Variants in MAOB observed in about 807,000 individuals in gnomAD.
The protein encoded by MAOB is amine oxidase [flavin-containing] B.
In MAOB, 15 loss-of-function variants were observed where a neutral mutation model predicts 41.9. That is an observed-to-expected ratio of 0.36 (90% CI 0.24 to 0.55). The LOEUF is 0.55. MAOB is among the 20% of genes least tolerant of loss of function. The pLI is 0.86. For missense variants in MAOB, 345 were observed against 398.7 expected (o/e 0.87, Z 1.15); for synonymous variants, 167 against 144.2 (o/e 1.16, Z -1.13).
At chrX:43,776,447 C>T (rs2034257271) in intron 11 of MAOB, among the ~76,000 whole-genome samples, 1 of 112,106 alleles carries the variant, frequency 8.9e-6, no homozygotes, top group Non-Finnish European at 1.9e-5. Flanking sequence ...AACCATCTCA[C>T]GAGTTGTTGC....
At chrX:43,790,841 A>G (rs2034454805) in intron 8 of MAOB, among the ~76,000 whole-genome samples, 1 of 111,824 alleles carries the variant, frequency 8.9e-6, no homozygotes. Flanking sequence ...TCTTTCTGAT[A>G]CTAGTGCCTA....
intron 8 of MAOB, among the ~76,000 whole-genome samples, chrX:43,784,521 T>C (rs1403155734): frequency 1.8e-5 from 2 of 112,355 alleles, no homozygotes; most frequent in African/African-American, 3.2e-5. Flanking sequence ...AAATCTTTTT[T>C]CTTCTCAGCA....
intron 1 of MAOB, among the ~76,000 whole-genome samples, chrX:43,875,732 C>T (rs1332115338): frequency 9.0e-6 from 1 of 110,921 alleles, no homozygotes; most frequent in Non-Finnish European, 1.9e-5. Context: ...TTGAGTACTG[C>T]CCAGTGACTT....
intron 8 of MAOB, among the ~76,000 whole-genome samples, chrX:43,784,563 G>A (rs113094189): frequency 0.029 from 3,248 of 112,043 alleles, 142 homozygotes; most frequent in African/African-American, 0.099. Flanking sequence ...AAAATATTCA[G>A]TAAACCATGC....
At chrX:43,812,485 T>C (rs66628137) in intron 3 of MAOB, among the ~76,000 whole-genome samples, 31,643 of 111,042 alleles carry the variant, frequency 0.28, 3,514 homozygotes, top group Middle Eastern at 0.41. Flanking sequence ...ATTCCCTTTT[T>C]TCTACATCCT....
chrX:43,778,914 A>G (rs1164691597), intron 10 of MAOB, among the ~76,000 whole-genome samples, 175 bp from the exon 11 acceptor site: 1 of 111,992 alleles, frequency 8.9e-6, no homozygotes, highest in Non-Finnish European at 1.9e-5. Context: ...GATGTCTTAA[A>G]TCTTTGAGGT....
At chrX:43,812,277 G>A (rs1011142125) in intron 3 of MAOB, among the ~76,000 whole-genome samples, 1 of 112,281 alleles carries the variant, frequency 8.9e-6, no homozygotes, top group African/African-American at 3.2e-5. Context: ...CCAAATGTTG[G>A]CTATTGTGAA....
At chrX:43,778,641 A>G in intron 11 of MAOB, 41 bp downstream of exon 11, 20 of 1,088,765 alleles carry the variant, frequency 1.8e-5, no homozygotes, top group Non-Finnish European at 2.5e-5. Flanking sequence ...GGACAAAGAA[A>G]GGCCTCTCAC....
In MAOB at chrX:43,778,491, C is replaced by A. The variant is rs774149912; in HGVS notation, c.1137+191G>T. Among the ~76,000 whole-genome samples the A allele has an allele frequency of 2.7e-5, 3 of 111,836 alleles. No individual in the cohort carries two copies. In the South Asian group the frequency reaches 1.1e-3, roughly 42 times the overall value. On this transcript the variant is annotated intron_variant, in intron 11 of 14. Transcript: ENST00000378069. ...GCATATTGCAAGTTCCCTGACCTGC[C>A]ACCAGCACAGCCAGGGCCCACACTC... is the stretch of plus-strand genomic sequence containing the variant.
At chrX:43,773,219 A>T (rs755596319) in intron 12 of MAOB, among the ~76,000 whole-genome samples, 9 of 111,526 alleles carry the variant, frequency 8.1e-5, no homozygotes, top group African/African-American at 2.9e-4. Context: ...GCCTTCCCAG[A>T]TTTCTCTAAG....
intron 1 of MAOB, among the ~76,000 whole-genome samples, chrX:43,866,031 G>A (rs187885694): frequency 3.0e-4 from 33 of 110,836 alleles, no homozygotes; most frequent in East Asian, 5.7e-4. Flanking sequence ...GCCCTAGGAA[G>A]AGCCACGGGA....
chrX:43,810,394 A>G (rs1308517073), intron 3 of MAOB, among the ~76,000 whole-genome samples: 1 of 110,664 alleles, frequency 9.0e-6, no homozygotes, highest in Non-Finnish European at 1.9e-5. Flanking sequence ...TTGTTTTAGA[A>G]AACAGTTTTT....
rs2147134344 is a variant in MAOB at position 43,795,806 on chromosome X, G to A, written c.701C>T (p.Pro234Leu). The change falls in exon 7 of 15, where the codon CCT (proline) becomes CTT (leucine). Residue 234 changes from proline (P) to leucine (L), a missense_variant. Transcript: ENST00000378069. ...TCTTGTCTGGTCAATGTAGATCACA[G>A]GCCTCTCCAGCTTCACTCGGTCTCC... ...LLGDRVKLERPVIYIDQTREN... is the reference protein window; with the variant it reads ...LLGDRVKLERLVIYIDQTREN... The A allele has an allele frequency of 8.3e-7, 1 of 1,210,809 alleles. No homozygotes were observed. The highest frequency in any genetic ancestry group is 1.1e-6 in the Non-Finnish European group (1 of 894,669).
At chrX:43,825,851 A>AT (rs1278940415) in intron 3 of MAOB, among the ~76,000 whole-genome samples, 1 of 111,791 alleles carries the variant, frequency 8.9e-6, no homozygotes, top group Non-Finnish European at 1.9e-5. Context: ...TTAAAGTCGC[A>AT]TTTTTTTAAG....
chrX:43,875,534 C>T (rs991938010), intron 1 of MAOB, among the ~76,000 whole-genome samples: 1 of 111,834 alleles, frequency 8.9e-6, no homozygotes, highest in Non-Finnish European at 1.9e-5. Flanking sequence ...TTAAGCCCAG[C>T]GAATGAGATT....
At position 43,767,282 on chromosome X, in the gene MAOB, A is replaced by T; in HGVS notation, c.*184T>A. On this transcript the variant is annotated 3_prime_UTR_variant, in exon 15 of 15. Transcript: ENST00000378069. ...CAGAACGCTAAGCCAGGTAAGGGAC[A>T]CTAAGCAGGGGCCACAACGGAGAAA... is the stretch of plus-strand genomic sequence containing the variant. The T allele has an allele frequency of 2.4e-6, 1 of 421,660 alleles. No individual in the cohort carries two copies. The highest frequency in any genetic ancestry group is 4.4e-5 in the Admixed American group (1 of 22,704). The allele number at this position is 421,660 out of a possible 1,213,427, so 34.7% of individuals were successfully genotyped here.
chrX:43,813,594 G>C (rs2034773701), intron 3 of MAOB, among the ~76,000 whole-genome samples: 1 of 112,314 alleles, frequency 8.9e-6, no homozygotes, highest in African/African-American at 3.2e-5. Flanking sequence ...TTACAAACTA[G>C]TTAGAAGCTA....
chrX:43,779,728 A>G (rs2034305193), intron 10 of MAOB, among the ~76,000 whole-genome samples: 1 of 111,480 alleles, frequency 9.0e-6, no homozygotes, highest in African/African-American at 3.3e-5. Context: ...TGCAGAGGTA[A>G]CATTGGTCAT....
At chrX:43,795,927 T>C (rs2034522522) in intron 6 of MAOB, 39 bp from the exon 7 acceptor site, 2 of 1,176,619 alleles carry the variant, frequency 1.7e-6, no homozygotes, top group African/African-American at 1.8e-5. Flanking sequence ...AACGCAGGAA[T>C]GGGCATAAAT....
Sources: allele counts gnomAD v4.1 joint callset (sites outside exome capture counted in the v4.1 genomes callset), GRCh38; gene constraint gnomAD v4.1.1; transcripts MANE v1.5; gene names NCBI Gene and HGNC (gene_info 2026-07-23, HGNC 2026-07-21).